The following PARP10 variants were observed in gnomAD, a reference collection of about 807,000 sequenced individuals.
PARP10 encodes the protein protein mono-ADP-ribosyltransferase PARP10.
Under a neutral mutation model 82.4 loss-of-function variants are expected in PARP10, and 56 were observed. The observed-to-expected ratio is 0.68, with a 90% CI of 0.55 to 0.85. PARP10 has a LOEUF of 0.85. PARP10 is among the 40% of genes least tolerant of loss of function. The pLI is 0.00. For synonymous variants in PARP10, 576 were observed against 601.1 expected (o/e 0.96, Z 0.61); for missense variants, 1,227 against 1,379.4 (o/e 0.89, Z 1.75).
exon 1 of PARP10, chr8:144,012,703 G>A (rs1554752630): frequency 3.4e-5 from 52 of 1,551,564 alleles, no homozygotes; most frequent in Non-Finnish European, 4.4e-5. Flanking sequence ...GCAACAGCAG[G>A]CCTTTCCTCA....
At chr8:143,986,549 G>A, upstream of PARP10, 3 of 828,590 alleles carry the variant, frequency 3.6e-6, no homozygotes, top group Admixed American at 4.7e-5. Flanking sequence ...CTCTCCTGCT[G>A]CAGCCTCAAC....
At position 143,985,150 on chromosome 8, in the gene PARP10, C is replaced by T. The variant is rs782571692; in HGVS notation, c.852G>A (p.Val284=). 1.5e-5 allele frequency: 24 copies of T among 1,614,062 alleles called. No individual in the cohort carries two copies. The highest frequency in any genetic ancestry group is 1.2e-4 in the African/African-American group (9 of 74,934). Reference sequence around the variant, plus strand: ...CAGTCCCTGCACCCTGCAGAGCCGTCACCAACCCTCCGGTCCTCAGGAGAG... The same window carrying T: ...CAGTCCCTGCACCCTGCAGAGCCGTTACCAACCCTCCGGTCCTCAGGAGAG... ...KHALLRTGGL[V]TALQGAGTVT... is the part of the protein sequence containing the mutation. Residue 284 remains valine (V), a synonymous_variant, in exon 5 of 11, where the codon GTG becomes GTA. Coordinates refer to ENST00000313028, the MANE Select transcript of PARP10 (RefSeq NM_032789.5).
Position 143,977,596 on chromosome 8 carries a change from AC to A in PARP10, c.2965del (p.Val989SerfsTer57). 6.3e-7 allele frequency: 1 copy of A among 1,583,326 alleles called. No individual in the cohort carries two copies. The highest frequency in any genetic ancestry group is 8.6e-7 in the Non-Finnish European group (1 of 1,165,400). ...VDCICQPSIFVIFHDTQALPT... is the reference protein window; with the variant it reads ...VDCICQPSIFXIFHDTQALPT... Reference sequence around the variant, plus strand: ...CAGCGCCTGGGTGTCGTGGAAGATGACGAAGATGCTGGGCTGGCAGATGCAG... The same window carrying A: ...CAGCGCCTGGGTGTCGTGGAAGATGAGAAGATGCTGGGCTGGCAGATGCAG... On this transcript the variant is annotated frameshift_variant, in exon 11 of 11. Transcript: ENST00000313028. LOFTEE classifies it low-confidence loss of function (END_TRUNC).
chr8:143,991,052 C>T (rs1834084439), upstream of PARP10: 1 of 490,338 alleles, frequency 2.0e-6, no homozygotes, highest in Non-Finnish European at 3.6e-6. Flanking sequence ...CGGGCCCAGG[C>T]TCCGGGGCTC....
chr8:144,000,766 T>A (rs1834195892), intron 1 of PARP10, among the ~76,000 whole-genome samples: 1 of 152,204 alleles, frequency 6.6e-6, no homozygotes, highest in Non-Finnish European at 1.5e-5. Flanking sequence ...GCAAATCAGC[T>A]GGTCATGGTG....
upstream of PARP10, chr8:143,986,514 C>G (rs1040295047): frequency 2.6e-6 from 3 of 1,133,446 alleles, no homozygotes; most frequent in Admixed American, 4.0e-5. Context: ...GCGCTGAGGC[C>G]TGGGTACTGG....
intron 1 of PARP10, among the ~76,000 whole-genome samples, chr8:144,000,657 A>AC (rs755118123): frequency 9.2e-5 from 14 of 152,144 alleles, no homozygotes; most frequent in Non-Finnish European, 1.8e-4. Context: ...TAATACACCT[A>AC]GTGTAACACT....
upstream of PARP10, chr8:143,992,626 T>C: frequency 6.2e-7 from 1 of 1,614,074 alleles, no homozygotes; most frequent in Middle Eastern, 1.6e-4. Flanking sequence ...AGGGGTGACC[T>C]TGGCCGGGGG....
chr8:143,995,581 C>G (rs1834158978), upstream of PARP10, among the ~76,000 whole-genome samples: 1 of 152,136 alleles, frequency 6.6e-6, no homozygotes, highest in Non-Finnish European at 1.5e-5. Context: ...CACACTGATT[C>G]TTCAGGTAGA....
chr8:143,991,769 G>A, upstream of PARP10: 1 of 1,613,804 alleles, frequency 6.2e-7, no homozygotes. Flanking sequence ...CACCAACTGG[G>A]ATGACAAGAG....
upstream of PARP10, chr8:143,991,191 C>G (rs782002411): frequency 1.2e-5 from 18 of 1,511,366 alleles, no homozygotes; most frequent in Non-Finnish European, 1.5e-5. Flanking sequence ...CCTTGTCTGT[C>G]TTCTCTAGGG....
chr8:144,005,253 A>T (rs1460620479), intron 1 of PARP10, among the ~76,000 whole-genome samples: 1 of 151,786 alleles, frequency 6.6e-6, no homozygotes, highest in Non-Finnish European at 1.5e-5. Context: ...CAAGTCCGAG[A>T]TGAGCTGCTG....
At position 143,985,073 on chromosome 8, in the gene PARP10, G is replaced by A; in HGVS notation, c.929C>T (p.Thr310Ile). Reference sequence around the variant, plus strand: ...CCCTCTACCCTGCACCATGGGACCTGTCCTCAGAGAGGCCCCTGACTGCCC... The same window carrying A: ...CCCTCTACCCTGCACCATGGGACCTATCCTCAGAGAGGCCCCTGACTGCCC... The part of the protein sequence containing the change: ...EPGQSGASLR[T>I]GPMVQGRGIM... The change falls in exon 5 of 11, where the codon ACA becomes ATA. Residue 310 changes from threonine (T) to isoleucine (I), a missense_variant. By Grantham distance (89) the Thr-to-Ile change is moderately conservative. Coordinates refer to ENST00000313028, the MANE Select transcript of PARP10 (RefSeq NM_032789.5). The A allele has an allele frequency of 1.9e-6, 3 of 1,613,896 alleles. No individual in the cohort carries two copies. Among genetic ancestry groups the A allele is most frequent in the Non-Finnish European group, 1.7e-6 (2 of 1,179,962 alleles).
intron 9 of PARP10, among the ~76,000 whole-genome samples, chr8:143,981,441 G>A: frequency 1.5e-5 from 1 of 67,898 alleles, no homozygotes; most frequent in Non-Finnish European, 2.8e-5. Flanking sequence ...GGTGATGATG[G>A]TGGTGACGAC....
chr8:143,978,134 G>A, intron 9 of PARP10, 53 bp from the exon 10 acceptor site: 7 of 1,445,774 alleles, frequency 4.8e-6, no homozygotes, highest in Admixed American at 2.5e-5. Flanking sequence ...CCCTGGGGCC[G>A]ACGCAGGGCA....
chr8:143,996,152 C>T (rs980440019), intron 1 of PARP10, among the ~76,000 whole-genome samples: 21 of 152,204 alleles, frequency 1.4e-4, no homozygotes, highest in African/African-American at 4.6e-4. Flanking sequence ...CAGCCACGGG[C>T]GTGTTCAAGC....
In PARP10 at chr8:143,985,772, G is replaced by A; in HGVS notation, c.385C>T (p.Pro129Ser). 6.2e-7 allele frequency: 1 copy of A among 1,611,366 alleles called. No homozygotes were observed. Among genetic ancestry groups the A allele is most frequent in the East Asian group, 2.2e-5 (1 of 44,824 alleles). The change falls in exon 3 of 11, where the codon CCC (proline) becomes TCC (serine). Residue 129 changes from proline to serine, a missense_variant. Transcript: ENST00000313028. ...PVQPCCALAS[P>S]RPDRALVQLP... Reference sequence around the variant, plus strand: ...TGGACCAGAGCCCGGTCTGGCCGGGGGCTGGCCAAGGCACAGCAAGGCTGT... The same window carrying A: ...TGGACCAGAGCCCGGTCTGGCCGGGAGCTGGCCAAGGCACAGCAAGGCTGT...
Position 144,008,115 on chromosome 8 carries a change from G to C in PARP10, c.-80+4415C>G, listed in dbSNP as rs951934232. On this transcript the variant is annotated intron_variant, in intron 1 of 3. Coordinates refer to the PARP10 transcript ENST00000530478. This position sits in a 1 kb window ranked among gnomAD's most constrained non-coding sequence, Gnocchi z 4.0. ...TCCTCGTCAGCAACAGGCAGACCCG[G>C]AGGTTCAACATGGCCACGGCAGGCA... Among the ~76,000 whole-genome samples, 1 of 152,172 alleles carries C rather than the reference G, an allele frequency of 6.6e-6. No homozygotes were observed. The highest frequency in any genetic ancestry group is 2.4e-5 in the African/African-American group (1 of 41,450).
At chr8:143,986,915 C>G (rs181441132), upstream of PARP10, 2 of 166,436 alleles carry the variant, frequency 1.2e-5, no homozygotes, top group Non-Finnish European at 2.6e-5. Context: ...TCCCTCACAC[C>G]TGCCAGGTGC....
Sources: gnomAD v4.1 joint callset for allele counts (sites outside exome capture counted in the v4.1 genomes callset) on GRCh38, gnomAD v4.1.1 for gene constraint, Gnocchi (gnomAD v3.1) non-coding constraint, MANE v1.5 for transcripts, NCBI Gene and HGNC (gene_info 2026-07-23, HGNC 2026-07-21) for gene names.